Variants in CUBN observed in about 807,000 individuals in gnomAD.
CUBN encodes the protein 460 kDa receptor.
Under a neutral mutation model 405.3 loss-of-function variants are expected in CUBN, and 282 were observed. That is an observed-to-expected ratio of 0.70 (90% CI 0.63 to 0.77). The LOEUF is 0.77. CUBN is among the 30% of genes least tolerant of loss of function. CUBN has a pLI of 0.00. For synonymous variants in CUBN, 1,684 were observed against 1,617.0 expected (o/e 1.04, Z -0.99); for missense variants, 4,514 against 4,475.2 (o/e 1.01, Z -0.25).
At chr10:17,024,376 T>A (rs762031343) in intron 27 of CUBN, among the ~76,000 whole-genome samples, 2 of 152,164 alleles carry the variant, frequency 1.3e-5, no homozygotes, top group Non-Finnish European at 2.9e-5. Context: ...AGAACAAAAA[T>A]ATGTCTTTCA....
At chr10:17,086,862 C>G (rs894001832) in intron 15 of CUBN, among the ~76,000 whole-genome samples, 1 of 152,174 alleles carries the variant, frequency 6.6e-6, no homozygotes, top group Admixed American at 6.5e-5. Context: ...GTGGTTGACA[C>G]TTTCTACCAT....
intron 26 of CUBN, 22 bp downstream of exon 26, chr10:17,043,805 C>T (rs775460322): frequency 4.3e-6 from 7 of 1,611,724 alleles, no homozygotes; most frequent in Admixed American, 1.7e-5. Context: ...TACACACTTA[C>T]TCTGCCGGTA....
At position 17,019,044 on chromosome 10, in the gene CUBN, T is replaced by C. The variant is rs1588586547; in HGVS notation, c.4168+789A>G. ...AGATTACTGGGCTCCACTTCAAAGT[T>C]TGTGATTCTGTAGGCCTGGGATGGG... On this transcript the variant is annotated intron_variant, in intron 28 of 66. Transcript: ENST00000377833. 2.6e-5 allele frequency among the ~76,000 whole-genome samples: 4 copies of C among 152,250 alleles called. No individual in the cohort carries two copies. The Middle Eastern group carries it at 0.014, about 518-fold the overall frequency.
chr10:16,888,394 T>C, intron 56 of CUBN, 23 bp downstream of exon 56: 1 of 1,596,992 alleles, frequency 6.3e-7, no homozygotes, highest in East Asian at 2.2e-5. Context: ...TTAAACGTAA[T>C]TTTTTTAAAA....
At chr10:16,961,798 G>T (rs1320478555) in intron 31 of CUBN, among the ~76,000 whole-genome samples, 6 of 127,352 alleles carry the variant, frequency 4.7e-5, no homozygotes, top group Non-Finnish European at 9.4e-5. Flanking sequence ...TGCAACCTCC[G>T]CCTCCCGGGT....
chr10:16,864,948 C>CTTTTT (rs35045969), intron 59 of CUBN, among the ~76,000 whole-genome samples: 2 of 50,024 alleles, frequency 4.0e-5, no homozygotes, highest in African/African-American at 1.1e-4. Flanking sequence ...CCATGCCCAG[C>CTTTTT]TTTTTTTTTT....
chr10:16,900,750 T>C lies in CUBN; in HGVS notation c.8285A>G (p.Gln2762Arg), dbSNP rs1841338153. The C allele has an allele frequency of 6.2e-7, 1 of 1,614,126 alleles. No homozygotes were observed. The highest frequency in any genetic ancestry group is 8.5e-7 in the Non-Finnish European group (1 of 1,179,990). ...GGSPESPIIG[Q>R]YCGNSNPRTI... The stretch of plus-strand genomic sequence containing the variant: ...CCTGGGGTTTGAATTTCCACAGTAT[T>C]GTCCTATGATGGGTGATTCAGGGGA... Residue 2762 changes from glutamine (Q) to arginine (R), a missense_variant, in exon 53 of 67, where the codon CAA becomes CGA. Physicochemically the swap from Gln to Arg is conservative, Grantham distance 43 (BLOSUM62 1). This residue lies in a region of CUBN where 1,186 missense variants were observed against 1,186.9 expected (regional missense o/e 1.00). Transcript: ENST00000377833.
chr10:16,904,036 C>T lies in CUBN; in HGVS notation c.7992G>A (p.Gln2664=). Residue 2664 remains glutamine, a synonymous_variant, in exon 51 of 67, where the codon CAG becomes CAA. Coordinates refer to ENST00000377833, the MANE Select transcript of CUBN (RefSeq NM_001081.4). ...PTLPLVIPYS[Q]VWIHFVTNER... is the part of the protein sequence containing the mutation. ...CGTTGGTGACAAAGTGAATCCATAC[C>T]TGAGAATAAGGTATAACCAATGGCA... 6.2e-7 allele frequency: 1 copy of T among 1,613,398 alleles called. No individual in the cohort carries two copies. Among genetic ancestry groups the T allele is most frequent in the Non-Finnish European group, 8.5e-7 (1 of 1,179,456 alleles).
intron 54 of CUBN, among the ~76,000 whole-genome samples, chr10:16,895,816 T>C (rs911376034): frequency 1.3e-5 from 2 of 152,230 alleles, no homozygotes; most frequent in African/African-American, 4.8e-5. Flanking sequence ...ACTTAGATCA[T>C]GTTTTGGCTT....
In CUBN at chr10:17,115,602, T is replaced by C. The variant is rs1469890011; in HGVS notation, c.594-5A>G. On this transcript the variant is annotated splice_polypyrimidine_tract_variant and splice_region_variant and intron_variant, in intron 6 of 66. Transcript: ENST00000377833. The stretch of plus-strand genomic sequence containing the variant: ...GTCTCAGGTGGGCAGTGACAACTGT[T>C]GGTTACACAAGAGCACAATGTCAGG... The C allele has an allele frequency of 5.6e-6, 9 of 1,614,182 alleles. No individual in the cohort carries two copies. Among genetic ancestry groups the C allele is most frequent in the Non-Finnish European group, 6.8e-6 (8 of 1,180,006 alleles).
At chr10:16,869,587 A>T in intron 59 of CUBN, 49 bp downstream of exon 59, 1 of 1,289,124 alleles carries the variant, frequency 7.8e-7, no homozygotes, top group Non-Finnish European at 1.1e-6. Context: ...TAAATAAAGC[A>T]GAAAGGTAAC....
At chr10:17,028,687 C>G (rs758303695) in intron 27 of CUBN, among the ~76,000 whole-genome samples, 6 of 149,880 alleles carry the variant, frequency 4.0e-5, no homozygotes, top group Non-Finnish European at 8.9e-5. Context: ...CAACACTGCA[C>G]TCAAGCCTGG....
chr10:16,973,910 A>T (rs575210974), intron 31 of CUBN, among the ~76,000 whole-genome samples: 1 of 152,228 alleles, frequency 6.6e-6, no homozygotes, highest in South Asian at 2.1e-4. Context: ...ATCTAGGTTG[A>T]TTCCATGCCT....
At chr10:17,084,182 G>A (rs1224316650) in intron 17 of CUBN, 89 bp downstream of exon 17, 57 of 1,299,964 alleles carry the variant, frequency 4.4e-5, no homozygotes, top group Non-Finnish European at 6.1e-5. Context: ...GGCTGCTGGT[G>A]GCCCAACAAT....
Position 16,981,980 on chromosome 10 carries a change from TTAA to T in CUBN, c.4695+501_4695+503del, listed in dbSNP as rs1208981758. ...AGAATCCTGTGAAAATCCCAGATGCTTAATAATAATAATTGATCTAAAACATTT... is the reference window on the plus strand; with the variant it reads ...AGAATCCTGTGAAAATCCCAGATGCTTAATAATAATTGATCTAAAACATTT... On this transcript the variant is annotated intron_variant, in intron 31 of 66. Coordinates refer to ENST00000377833, the MANE Select transcript of CUBN (RefSeq NM_001081.4). Among the ~76,000 whole-genome samples, 5 of 152,326 alleles carry T rather than the reference TTAA, an allele frequency of 3.3e-5. No individual in the cohort carries two copies. The East Asian group carries it at 7.7e-4, about 24-fold the overall frequency.
intron 28 of CUBN, among the ~76,000 whole-genome samples, chr10:16,996,177 A>G (rs1343513318): frequency 1.3e-5 from 2 of 152,220 alleles, no homozygotes; most frequent in East Asian, 3.8e-4. Flanking sequence ...ACGTAAACAA[A>G]GCAAAAATCT....
Position 17,109,730 on chromosome 10 carries a change from G to A in CUBN, c.1021C>T (p.Gln341Ter). 6.2e-7 allele frequency: 1 copy of A among 1,613,178 alleles called. No homozygotes were observed. Among genetic ancestry groups the A allele is most frequent in the Non-Finnish European group, 8.5e-7 (1 of 1,179,558 alleles). ...SHCQACPPGY[Q>*]GDGRVCTLTD... ...AGTGTGCACACTCTTCCGTCACCCT[G>A]GTACCCTGATGAGAACAAGAGCCAG... Residue 341 changes from glutamine (Q) to a stop codon, truncating the protein, a stop_gained, in exon 10 of 67, where the codon CAG (glutamine) becomes TAG (stop). Coordinates refer to ENST00000377833, the MANE Select transcript of CUBN (RefSeq NM_001081.4). LOFTEE classifies it high-confidence loss of function.
rs767919291 is a variant in CUBN at position 17,114,082 on chromosome 10, T to A, written c.828A>T (p.Thr276=). The change falls in exon 8 of 67, where the codon ACA becomes ACT. Residue 276 remains threonine (T), a synonymous_variant. Coordinates refer to ENST00000377833, the MANE Select transcript of CUBN (RefSeq NM_001081.4). ...CTTGAGTGTTGAAACACTGCACAAG[T>A]GTGGAGCAAGGCCCGGGCTGGAAGC... ...ECSFQPGPCS[T]LVQCFNTQGS... The A allele has an allele frequency of 4.3e-6, 7 of 1,613,156 alleles. No individual in the cohort carries two copies. In the East Asian group the frequency reaches 1.3e-4, roughly 31 times the overall value.
intron 31 of CUBN, among the ~76,000 whole-genome samples, chr10:16,959,996 A>G (rs1183455724): frequency 1.3e-5 from 2 of 152,238 alleles, no homozygotes; most frequent in Non-Finnish European, 2.9e-5. Flanking sequence ...TTTCTAGATG[A>G]TAGTAATAAA....
Sources: gnomAD v4.1 joint callset for allele counts (sites outside exome capture counted in the v4.1 genomes callset) on GRCh38, gnomAD v4.1.1 for gene constraint, gnomAD v4.1.1 regional missense constraint, MANE v1.5 for transcripts, NCBI Gene and HGNC (gene_info 2026-07-23, HGNC 2026-07-21) for gene names.